Variants in MRPS27 observed in about 807,000 individuals in gnomAD.
MRPS27 encodes the protein small ribosomal subunit protein mS27.
Under a neutral mutation model 48.9 loss-of-function variants are expected in MRPS27, and 43 were observed. The observed-to-expected ratio is 0.88, with a 90% CI of 0.69 to 1.13. The LOEUF (loss-of-function observed/expected upper bound fraction) is 1.13, where lower values mean the gene tolerates loss of function less well. Among genes scored for constraint, MRPS27 ranks in the 50% most tolerant of loss-of-function variants. The pLI, the probability that MRPS27 is intolerant of heterozygous loss-of-function variation, is 0.00. For missense variants in MRPS27, 467 were observed against 476.3 expected (o/e 0.98, Z 0.18); for synonymous variants, 188 against 171.9 (o/e 1.09, Z -0.73).
intron 2 of MRPS27, among the ~76,000 whole-genome samples, chr5:72,311,329 G>A (rs1226452197): frequency 6.6e-6 from 1 of 152,172 alleles, no homozygotes; most frequent in Non-Finnish European, 1.5e-5. Flanking sequence ...TATACAGGGG[G>A]AAGGAGGAGA....
At chr5:72,262,220 T>TTA (rs1319723125) in intron 4 of MRPS27, among the ~76,000 whole-genome samples, 1 of 152,214 alleles carries the variant, frequency 6.6e-6, no homozygotes, top group Non-Finnish European at 1.5e-5. Flanking sequence ...TTCTTGGTTC[T>TTA]TATCTATAAA....
intron 4 of MRPS27, among the ~76,000 whole-genome samples, chr5:72,252,586 C>A (rs1044447353): frequency 1.3e-5 from 2 of 152,148 alleles, no homozygotes; most frequent in Non-Finnish European, 2.9e-5. Context: ...CCACAGTGAA[C>A]CTAACACAGG....
chr5:72,226,338 G>C (rs1171413232), intron 8 of MRPS27, 139 bp from the exon 9 acceptor site: 8 of 960,586 alleles, frequency 8.3e-6, no homozygotes, highest in Non-Finnish European at 1.1e-5. Context: ...TGTACCAACA[G>C]ACTCATCTCA....
At chr5:72,248,911 G>A (rs1054614357) in intron 4 of MRPS27, among the ~76,000 whole-genome samples, 2 of 152,144 alleles carry the variant, frequency 1.3e-5, no homozygotes, top group African/African-American at 4.8e-5. Flanking sequence ...AACAAGCTAT[G>A]AAAATACCTC....
At chr5:72,316,762 GC>G (rs1354230731) in intron 1 of MRPS27, among the ~76,000 whole-genome samples, 1 of 150,872 alleles carries the variant, frequency 6.6e-6, no homozygotes, top group East Asian at 2.0e-4. Context: ...AGGTGCAGTG[GC>G]TCATGCCTGT....
chr5:72,226,335 A>G, intron 8 of MRPS27, 136 bp from the exon 9 acceptor site: 1 of 990,458 alleles, frequency 1.0e-6, no homozygotes, highest in East Asian at 2.5e-5. Flanking sequence ...ATCTGTACCA[A>G]CAGACTCATC....
chr5:72,276,815 A>G (rs1213600577), intron 4 of MRPS27, among the ~76,000 whole-genome samples: 1 of 152,044 alleles, frequency 6.6e-6, no homozygotes, highest in African/African-American at 2.4e-5. Flanking sequence ...GTGGATCACG[A>G]GGTCAGGAGA....
intron 4 of MRPS27, among the ~76,000 whole-genome samples, chr5:72,291,197 A>G (rs1328235531): frequency 6.6e-6 from 1 of 152,234 alleles, no homozygotes; most frequent in East Asian, 1.9e-4. Context: ...AAACTAAGAA[A>G]GTCTTCTTTG....
intron 4 of MRPS27, among the ~76,000 whole-genome samples, chr5:72,289,286 T>C (rs751152988): frequency 2.0e-5 from 3 of 152,226 alleles, no homozygotes; most frequent in Non-Finnish European, 2.9e-5. Flanking sequence ...CCACTCTCCA[T>C]AGCAACACTG....
intron 4 of MRPS27, among the ~76,000 whole-genome samples, chr5:72,282,370 C>G (rs1266846529): frequency 6.6e-6 from 1 of 152,098 alleles, no homozygotes; most frequent in Non-Finnish European, 1.5e-5. Flanking sequence ...ATTTTCAAAT[C>G]AAACTGCGTT....
intron 4 of MRPS27, among the ~76,000 whole-genome samples, chr5:72,293,725 A>G (rs1561358047): frequency 6.6e-6 from 1 of 152,264 alleles, no homozygotes; most frequent in South Asian, 2.1e-4. Context: ...TTGATGCTAC[A>G]GAAGTACTTC....
chr5:72,235,378 A>AATGAGGGATGAATAGGCAGGG (rs1748173302), intron 5 of MRPS27, among the ~76,000 whole-genome samples: 1 of 152,078 alleles, frequency 6.6e-6, no homozygotes, highest in Admixed American at 6.6e-5. Flanking sequence ...AAGCAAACCC[A>AATGAGGGATGAATAGGCAGGG]ATGAGGGATG....
At chr5:72,311,412 A>G (rs1165826963) in intron 2 of MRPS27, among the ~76,000 whole-genome samples, 2 of 152,232 alleles carry the variant, frequency 1.3e-5, no homozygotes, top group African/African-American at 2.4e-5. Context: ...TGTGGTTTAA[A>G]TATTTGTCTC....
chr5:72,243,561 G>A (rs536605926), intron 4 of MRPS27, among the ~76,000 whole-genome samples: 2 of 152,030 alleles, frequency 1.3e-5, no homozygotes, highest in Non-Finnish European at 2.9e-5. Flanking sequence ...TCCTGCTTGG[G>A]ATCTCAGATT....
chr5:72,230,495 T>C (rs111350283), intron 7 of MRPS27, among the ~76,000 whole-genome samples: 2,148 of 152,308 alleles, frequency 0.014, 46 homozygotes, highest in African/African-American at 0.049. Flanking sequence ...TGACTTTTTT[T>C]ATTCCTCATC....
At position 72,223,870 on chromosome 5, in the gene MRPS27, T is replaced by G; in HGVS notation, c.838-20A>C. ...ATCGAGCTGTGGAGCAGAAAGAGGGTCAGCAACCAAATGTTTTATGGCCCA... is the reference window on the plus strand; with the variant it reads ...ATCGAGCTGTGGAGCAGAAAGAGGGGCAGCAACCAAATGTTTTATGGCCCA... On this transcript the variant is annotated intron_variant, in intron 9 of 10. Coordinates refer to ENST00000261413, the MANE Select transcript of MRPS27 (RefSeq NM_015084.3). 1 of 1,608,264 alleles carries G rather than the reference T, an allele frequency of 6.2e-7. No individual in the cohort carries two copies. Among genetic ancestry groups the G allele is most frequent in the Non-Finnish European group, 8.5e-7 (1 of 1,176,214 alleles).
In MRPS27 at chr5:72,239,536, T is replaced by A. The variant is rs144997919; in HGVS notation, c.282-1408A>T. 2.4e-3 allele frequency among the ~76,000 whole-genome samples: 366 copies of A among 152,218 alleles called. 1 individual carries two copies. The highest frequency in any genetic ancestry group is 8.5e-3 in the African/African-American group (354 of 41,536). On this transcript the variant is annotated intron_variant, in intron 4 of 10. Transcript: ENST00000261413. ...TCAGAAATAGAGAAATATGTCAAAT[T>A]AGGTTTAGAATAAGAGTGACGTGGC...
intron 4 of MRPS27, among the ~76,000 whole-genome samples, chr5:72,253,849 G>C (rs540871160): frequency 6.6e-6 from 1 of 152,174 alleles, no homozygotes; most frequent in Non-Finnish European, 1.5e-5. Context: ...GGATTACACT[G>C]AGTAGTGAAA....
At position 72,281,537 on chromosome 5, in the gene MRPS27, G is replaced by A. The variant is rs545899056; in HGVS notation, c.281+13994C>T. ...TGGGTCAGAGAGATCACATTCAACCGTGAAAATCAGGGTAAGTTTATGAGT... is the reference window on the plus strand; with the variant it reads ...TGGGTCAGAGAGATCACATTCAACCATGAAAATCAGGGTAAGTTTATGAGT... On this transcript the variant is annotated intron_variant, in intron 4 of 10. Coordinates refer to ENST00000261413, the MANE Select transcript of MRPS27 (RefSeq NM_015084.3). 1.2e-4 allele frequency among the ~76,000 whole-genome samples: 19 copies of A among 152,254 alleles called. 1 individual carries two copies. In the South Asian group the frequency reaches 1.5e-3, roughly 12 times the overall value.
Sources: gnomAD v4.1 joint callset for allele counts (sites outside exome capture counted in the v4.1 genomes callset) on GRCh38, gnomAD v4.1.1 for gene constraint, MANE v1.5 for transcripts, NCBI Gene and HGNC (gene_info 2026-07-23, HGNC 2026-07-21) for gene names.